Variants in ERCC6L2 observed in about 807,000 individuals in gnomAD.
ERCC6L2 encodes the protein DNA excision repair protein ERCC-6-like 2.
A neutral mutation model predicts 132.0 loss-of-function variants in ERCC6L2; 77 were observed. The ratio of observed to expected loss-of-function variants is 0.58; its 90% confidence interval spans 0.49 to 0.71. The LOEUF (loss-of-function observed/expected upper bound fraction) is 0.71. Ranked by LOEUF, ERCC6L2 falls within the 30% of genes least tolerant of loss-of-function variation. The probability of loss-of-function intolerance (pLI) is 0.00; values close to 1 mark genes in which losing one functional copy is unlikely to be tolerated. For synonymous variants in ERCC6L2, 583 were observed against 632.4 expected, an observed-to-expected ratio of 0.92 and a Z score of 1.17; for missense variants, 1,542 against 1,837.6, an observed-to-expected ratio of 0.84 and a Z score of 2.94.
At chr9:95,906,591 A>G (rs930037519) in intron 3 of ERCC6L2, 3 of 447,152 alleles carry the variant, frequency 6.7e-6, no homozygotes, top group South Asian at 1.6e-5. Context: ...TTTCCAGTGA[A>G]TTTTCCAGTT....
intron 19 of ERCC6L2, among the ~76,000 whole-genome samples, chr9:96,034,841 C>G (rs1300932959): frequency 6.6e-6 from 1 of 151,896 alleles, no homozygotes; most frequent in African/African-American, 2.4e-5. Flanking sequence ...GAGCCAGGAG[C>G]AGGCAGGATC....
chr9:95,987,840 T>G (rs1833153620), intron 17 of ERCC6L2, among the ~76,000 whole-genome samples: 1 of 152,352 alleles, frequency 6.6e-6, no homozygotes, highest in Non-Finnish European at 1.5e-5. Flanking sequence ...GCCCCACCCC[T>G]GCAGCAAACG....
intron 11 of ERCC6L2, among the ~76,000 whole-genome samples, chr9:95,930,439 C>T (rs1412125015): frequency 5.3e-5 from 8 of 152,026 alleles, no homozygotes; most frequent in African/African-American, 1.9e-4. Flanking sequence ...TATCATTTTG[C>T]AAGGGTTTAT....
At chr9:95,892,227 TAA>T (rs1189429403) in intron 2 of ERCC6L2, among the ~76,000 whole-genome samples, 14 of 152,146 alleles carry the variant, frequency 9.2e-5, no homozygotes, top group African/African-American at 3.1e-4. Flanking sequence ...CATTAATTAA[TAA>T]ATTACTGCAT....
chr9:95,948,059 A>G (rs1369991189), intron 12 of ERCC6L2, among the ~76,000 whole-genome samples: 1 of 152,210 alleles, frequency 6.6e-6, no homozygotes, highest in South Asian at 2.1e-4. Context: ...TTTAAGAAAC[A>G]CATTTTGTAA....
chr9:95,927,962 G>A (rs1830171810), intron 9 of ERCC6L2, 117 bp from the exon 10 acceptor site: 1 of 611,302 alleles, frequency 1.6e-6, no homozygotes, highest in Admixed American at 2.8e-5. Flanking sequence ...TAGAAAAAAT[G>A]AATGAGGTTA....
rs1167424539 is a variant in ERCC6L2, at chr9:96,017,724, C to T, written c.*4521C>T. 6.6e-6 allele frequency among the ~76,000 whole-genome samples: 1 copy of T among 152,232 alleles called. No homozygotes were observed. The highest frequency in any genetic ancestry group is 6.5e-5 in the Admixed American group (1 of 15,288). ...CAGCGCCCCCCATCTCTGTATGCAG[C>T]TGAGCTCATGATGGAGCCCACTGTG... On this transcript the variant is annotated 3_prime_UTR_variant, in exon 19 of 19. Coordinates refer to ENST00000653738, the MANE Select transcript of ERCC6L2 (RefSeq NM_020207.7).
chr9:95,979,504 C>T (rs1832807850), intron 17 of ERCC6L2, among the ~76,000 whole-genome samples: 1 of 152,144 alleles, frequency 6.6e-6, no homozygotes, highest in Non-Finnish European at 1.5e-5. Flanking sequence ...AAATTTGTCA[C>T]TTGGTGTTTT....
chr9:95,972,595 T>C lies in ERCC6L2; in HGVS notation c.2844T>C (p.Thr948=). 7.8e-7 allele frequency: 1 copy of C among 1,289,504 alleles called. No individual in the cohort carries two copies. Among genetic ancestry groups the C allele is most frequent in the South Asian group, 1.2e-5 (1 of 80,794 alleles). The allele number at this position is 1,289,504 out of a possible 1,614,324, so 79.9% of individuals were successfully genotyped here. A position where few individuals can be genotyped will look rare whatever the true frequency, so the allele number is the denominator to read the frequency against. ...KTRNNDNSRN[T]DDKRNGIISK... ...GAAATAATGATAATAGTCGAAACAC[T>C]GATGACAAAAGAAATGGAATAATTT... Residue 948 remains threonine (T), a synonymous_variant, in exon 16 of 19, where the codon ACT becomes ACC. Transcript: ENST00000653738.
intron 2 of ERCC6L2, among the ~76,000 whole-genome samples, chr9:95,891,209 C>T (rs536604996): frequency 6.6e-6 from 1 of 152,214 alleles, no homozygotes; most frequent in Admixed American, 6.5e-5. Flanking sequence ...GTGTCCCTAA[C>T]TCTGTCTCAA....
chr9:96,033,310 G>C (rs1834483657), intron 19 of ERCC6L2, among the ~76,000 whole-genome samples: 1 of 151,760 alleles, frequency 6.6e-6, no homozygotes, highest in African/African-American at 2.4e-5. Flanking sequence ...CAATGGTGTG[G>C]TCTCAGCTCA....
At chr9:95,895,440 A>G (rs1828402026) in intron 2 of ERCC6L2, among the ~76,000 whole-genome samples, 1 of 152,034 alleles carries the variant, frequency 6.6e-6, no homozygotes, top group Non-Finnish European at 1.5e-5. Context: ...TTGGATTTAA[A>G]CTTAGTATTT....
At chr9:96,001,758 G>C (rs1002791884) in intron 17 of ERCC6L2, among the ~76,000 whole-genome samples, 1 of 152,248 alleles carries the variant, frequency 6.6e-6, no homozygotes, top group Non-Finnish European at 1.5e-5. Context: ...ACTGGGCGCC[G>C]TGGAGCAGGG....
chr9:95,879,707 C>T (rs1217475467), intron 1 of ERCC6L2, among the ~76,000 whole-genome samples: 1 of 152,110 alleles, frequency 6.6e-6, no homozygotes, highest in East Asian at 1.9e-4. Flanking sequence ...AGTGGCTTTA[C>T]TTTTAAGGAA....
chr9:96,030,019 A>T (rs1834433212), intron 19 of ERCC6L2, among the ~76,000 whole-genome samples: 1 of 152,150 alleles, frequency 6.6e-6, no homozygotes, highest in Non-Finnish European at 1.5e-5. Flanking sequence ...GTGAGAGGTG[A>T]AGCCAGCTGG....
At chr9:95,987,525 A>G (rs985861360) in intron 17 of ERCC6L2, among the ~76,000 whole-genome samples, 2 of 152,178 alleles carry the variant, frequency 1.3e-5, no homozygotes, top group African/African-American at 4.8e-5. Flanking sequence ...CTTGGACTTC[A>G]TGTCCCAACA....
rs376323288 is a variant in ERCC6L2 at position 96,029,099 on chromosome 9, T to G, written c.*1504-9777T>G. On this transcript the variant is annotated intron_variant and NMD_transcript_variant, in intron 19 of 20. Coordinates refer to the ERCC6L2 transcript ENST00000670016. ...GTGGGCGGATCACAAGGTCAGGAGA[T>G]CGAGACCATCCTGGCTAACATGGTG... is the stretch of plus-strand genomic sequence containing the variant. Among the ~76,000 whole-genome samples, 5 of 151,878 alleles carry G rather than the reference T, an allele frequency of 3.3e-5. No homozygotes were observed. The South Asian group carries it at 1.0e-3, about 32-fold the overall frequency.
intron 19 of ERCC6L2, among the ~76,000 whole-genome samples, chr9:96,035,363 C>A (rs905563969): frequency 1.3e-5 from 2 of 152,202 alleles, no homozygotes; most frequent in Non-Finnish European, 2.9e-5. Context: ...GCCCATGGAC[C>A]AACTGGCAGG....
At chr9:95,923,408 A>T (rs1216182962) in intron 9 of ERCC6L2, 29 bp downstream of exon 9, 2 of 1,609,954 alleles carry the variant, frequency 1.2e-6, no homozygotes, top group Admixed American at 3.3e-5. Flanking sequence ...GGTTGCATAC[A>T]GACATGATAC....
Sources: allele counts gnomAD v4.1 joint callset (sites outside exome capture counted in the v4.1 genomes callset), GRCh38; gene constraint gnomAD v4.1.1; transcripts MANE v1.5; gene names NCBI Gene and HGNC (gene_info 2026-07-23, HGNC 2026-07-21).